LYPLAL1: variants seen among roughly 807,000 people sequenced by gnomAD.
LYPLAL1 encodes the protein lysophospholipase like 1.
A neutral mutation model predicts 19.7 loss-of-function variants in LYPLAL1; 23 were observed. That is an observed-to-expected ratio of 1.17 (90% confidence interval 0.84 to 1.65). The LOEUF is 1.65. LYPLAL1 is among the 40% of genes most tolerant of loss of function. The probability of loss-of-function intolerance (pLI) is 0.00; values close to 1 mark genes in which losing one functional copy is unlikely to be tolerated. For missense variants in LYPLAL1, 355 were observed against 279.4 expected (o/e 1.27, Z -1.93); for synonymous variants, 119 against 96.3 (o/e 1.24, Z -1.38).
chr1:219,311,747 A>G, the LYPLAL1 span, among the ~76,000 whole-genome samples: 1 of 152,204 alleles, frequency 6.6e-6, no homozygotes, highest in African/African-American at 2.4e-5. Flanking sequence ...GAATTTGAAT[A>G]TACGCATAAT....
the LYPLAL1 span, among the ~76,000 whole-genome samples, chr1:219,252,444 AG>A: frequency 1.3e-5 from 2 of 152,068 alleles, no homozygotes; most frequent in African/African-American, 2.4e-5. Context: ...TATTATTTTG[AG>A]GTATGTTCCT....
the LYPLAL1 span, among the ~76,000 whole-genome samples, chr1:219,333,809 C>T: frequency 6.6e-6 from 1 of 152,004 alleles, no homozygotes; most frequent in African/African-American, 2.4e-5. Flanking sequence ...AGCTATGTCT[C>T]ACTGTCCAGC....
the LYPLAL1 span, among the ~76,000 whole-genome samples, chr1:219,231,640 A>T: frequency 6.6e-6 from 1 of 152,172 alleles, no homozygotes; most frequent in Admixed American, 6.5e-5. Flanking sequence ...TAACAACAAC[A>T]CTAAAGCTAG....
the LYPLAL1 span, among the ~76,000 whole-genome samples, chr1:219,325,231 G>C: frequency 6.6e-6 from 1 of 152,058 alleles, no homozygotes; most frequent in African/African-American, 2.4e-5. Context: ...TCTTTCCAAA[G>C]GCTTGACTCA....
At chr1:219,201,897 G>A (rs1212308388) in intron 3 of LYPLAL1, among the ~76,000 whole-genome samples, 1 of 152,162 alleles carries the variant, frequency 6.6e-6, no homozygotes, top group Non-Finnish European at 1.5e-5. Context: ...GATTCATAGA[G>A]CAAATAATAT....
the LYPLAL1 span, among the ~76,000 whole-genome samples, chr1:219,291,064 T>C: frequency 2.0e-5 from 3 of 152,206 alleles, no homozygotes; most frequent in Non-Finnish European, 4.4e-5. Flanking sequence ...ACTTCAAGGA[T>C]TGTTAACCAA....
chr1:219,353,278 A>T, the LYPLAL1 span, among the ~76,000 whole-genome samples: 2 of 152,240 alleles, frequency 1.3e-5, no homozygotes. Flanking sequence ...GCACAATACC[A>T]GATAGGAGGT....
intron 3 of LYPLAL1, among the ~76,000 whole-genome samples, chr1:219,196,653 C>G (rs1389863794): frequency 6.6e-6 from 1 of 152,048 alleles, no homozygotes; most frequent in Non-Finnish European, 1.5e-5. Context: ...CTGGGGCAAT[C>G]AGGCAAGAAA....
chr1:219,308,173 T>C, the LYPLAL1 span, among the ~76,000 whole-genome samples: 2 of 152,168 alleles, frequency 1.3e-5, no homozygotes, highest in African/African-American at 4.8e-5. Flanking sequence ...CCTAGAGATT[T>C]ATGGAACTTT....
the LYPLAL1 span, among the ~76,000 whole-genome samples, chr1:219,341,107 A>G: frequency 1.3e-5 from 2 of 152,070 alleles, no homozygotes; most frequent in Admixed American, 1.3e-4. Flanking sequence ...AAAGATAGGA[A>G]CAGCTTATGC....
chr1:219,363,620 A>C, the LYPLAL1 span, among the ~76,000 whole-genome samples: 4 of 152,148 alleles, frequency 2.6e-5, no homozygotes, highest in Non-Finnish European at 5.9e-5. Context: ...TAAAGTAGGT[A>C]AAACTTATTC....
the LYPLAL1 span, among the ~76,000 whole-genome samples, chr1:219,436,137 C>G: frequency 6.6e-6 from 1 of 152,164 alleles, no homozygotes; most frequent in East Asian, 1.9e-4. Context: ...CTTTGGGGTG[C>G]TCATACCTGT....
intron 2 of LYPLAL1, among the ~76,000 whole-genome samples, chr1:219,187,907 G>A (rs1352744766): frequency 6.6e-6 from 1 of 151,710 alleles, no homozygotes; most frequent in African/African-American, 2.4e-5. Flanking sequence ...TATTAGGTAT[G>A]TTTAAATAGG....
At chr1:219,360,042 C>T in the LYPLAL1 span, among the ~76,000 whole-genome samples, 1 of 152,184 alleles carries the variant, frequency 6.6e-6, no homozygotes, top group African/African-American at 2.4e-5. Context: ...TATCCCGAAA[C>T]AGCACAAATC....
the LYPLAL1 span, among the ~76,000 whole-genome samples, chr1:219,224,662 C>T: frequency 6.6e-6 from 1 of 152,094 alleles, no homozygotes; most frequent in African/African-American, 2.4e-5. Flanking sequence ...ATATAACATT[C>T]AAATGTTGTA....
At chr1:219,184,406 GTACT>G (rs199853423) in intron 2 of LYPLAL1, among the ~76,000 whole-genome samples, 2,461 of 151,782 alleles carry the variant, frequency 0.016, 18 homozygotes, top group Non-Finnish European at 0.023. Flanking sequence ...CTTATTTCTA[GTACT>G]TACTTAGTAT....
At chr1:219,414,979 A>C in the LYPLAL1 span, among the ~76,000 whole-genome samples, 11 of 152,206 alleles carry the variant, frequency 7.2e-5, no homozygotes, top group Non-Finnish European at 1.5e-5. Context: ...TGAATAGAAA[A>C]ATAACCACAG....
chr1:219,369,406 G>A, the LYPLAL1 span, among the ~76,000 whole-genome samples: 1 of 152,274 alleles, frequency 6.6e-6, no homozygotes, highest in South Asian at 2.1e-4. Context: ...CAAGTAGCTG[G>A]GATTACAGGC....
At chr1:219,434,090 G>T in the LYPLAL1 span, among the ~76,000 whole-genome samples, 1 of 152,020 alleles carries the variant, frequency 6.6e-6, no homozygotes, top group African/African-American at 2.4e-5. Context: ...CGTGGAAAAA[G>T]AAGTGGCTTT....
Sources: allele counts gnomAD v4.1 joint callset (sites outside exome capture counted in the v4.1 genomes callset), GRCh38; gene constraint gnomAD v4.1.1; transcripts MANE v1.5; gene names NCBI Gene and HGNC (gene_info 2026-07-23, HGNC 2026-07-21).